The following PRSS12 variants were observed in gnomAD, a reference collection of about 807,000 sequenced individuals.
PRSS12 encodes the protein serine protease 12.
Under a neutral mutation model 104.4 loss-of-function variants are expected in PRSS12, and 85 were observed. The ratio of observed to expected loss-of-function variants is 0.81; its 90% CI spans 0.68 to 0.98. PRSS12 has a LOEUF of 0.98. Among genes scored for constraint, PRSS12 ranks in the 50% least tolerant of loss-of-function variants. The pLI is 0.00. For missense variants in PRSS12, 1,141 were observed against 1,139.2 expected, an observed-to-expected ratio of 1.00 and a Z score of -0.02; for synonymous variants, 454 against 425.2, an observed-to-expected ratio of 1.07 and a Z score of -0.83.
chr4:118,327,107 T>C lies in PRSS12; in HGVS notation c.971+4609A>G, dbSNP rs1578929043. 2.0e-5 allele frequency among the ~76,000 whole-genome samples: 3 copies of C among 152,334 alleles called. 1 individual carries two copies. The South Asian group carries it at 6.2e-4, about 32-fold the overall frequency. ...CTGTGGGTTGGACAAGCTTGGTTTATACAATGTTTTTTAAAATTTAATGAA... is the reference window on the plus strand; with the variant it reads ...CTGTGGGTTGGACAAGCTTGGTTTACACAATGTTTTTTAAAATTTAATGAA... On this transcript the variant is annotated intron_variant, in intron 4 of 12. Transcript: ENST00000296498.
At chr4:118,351,553 A>G (rs1724505336) in intron 1 of PRSS12, among the ~76,000 whole-genome samples, 1 of 152,176 alleles carries the variant, frequency 6.6e-6, no homozygotes, top group Non-Finnish European at 1.5e-5. Flanking sequence ...AAAACTGTGT[A>G]TAACTATATT....
At chr4:118,308,360 T>C in intron 8 of PRSS12, 76 bp downstream of exon 8, 1 of 1,576,290 alleles carries the variant, frequency 6.3e-7, no homozygotes, top group Non-Finnish European at 8.7e-7. Flanking sequence ...AAGTAAAAAG[T>C]AACTCATTAG....
At chr4:118,332,277 A>T (rs1723945601) in intron 3 of PRSS12, among the ~76,000 whole-genome samples, 1 of 152,230 alleles carries the variant, frequency 6.6e-6, no homozygotes, top group Admixed American at 6.5e-5. Context: ...TGTCTATAAC[A>T]TACTTGTTTT....
Position 118,352,771 on chromosome 4 carries a change from G to A in PRSS12, c.-51C>T. ...CATGCTCCCCAGCTTCTCGGGCTTGGAGCGGAGAAGAGGAGGGGGCGGGGG... is the reference window on the plus strand; with the variant it reads ...CATGCTCCCCAGCTTCTCGGGCTTGAAGCGGAGAAGAGGAGGGGGCGGGGG... On this transcript the variant is annotated 5_prime_UTR_variant, in exon 1 of 13. Coordinates refer to ENST00000296498, the MANE Select transcript of PRSS12 (RefSeq NM_003619.4). The A allele has an allele frequency of 6.2e-7, 1 of 1,605,584 alleles. No individual in the cohort carries two copies. The highest frequency in any genetic ancestry group is 8.5e-7 in the Non-Finnish European group (1 of 1,177,148).
At chr4:118,301,147 G>C (rs903714880) in intron 8 of PRSS12, among the ~76,000 whole-genome samples, 1 of 151,914 alleles carries the variant, frequency 6.6e-6, no homozygotes, top group African/African-American at 2.4e-5. Flanking sequence ...ATTAGTGTTA[G>C]TAAGAAATCT....
intron 9 of PRSS12, among the ~76,000 whole-genome samples, 153 bp downstream of exon 9, chr4:118,298,580 T>C (rs545770010): frequency 1.2e-4 from 18 of 152,310 alleles, no homozygotes; most frequent in African/African-American, 4.1e-4. Context: ...CTAGGCAAGT[T>C]TGCCAAGAAC....
chr4:118,320,150 G>A (rs1453767355), intron 4 of PRSS12, among the ~76,000 whole-genome samples: 4 of 151,980 alleles, frequency 2.6e-5, no homozygotes, highest in Admixed American at 2.6e-4. Context: ...TCCCTTTTAG[G>A]CTTTTAATTT....
chr4:118,351,922 C>T (rs1724515715), intron 1 of PRSS12, among the ~76,000 whole-genome samples: 1 of 151,728 alleles, frequency 6.6e-6, no homozygotes, highest in African/African-American at 2.4e-5. Flanking sequence ...AATACACGAG[C>T]GCACACACAC....
intron 11 of PRSS12, among the ~76,000 whole-genome samples, chr4:118,284,476 G>A (rs1742969879): frequency 6.6e-6 from 1 of 152,214 alleles, no homozygotes; most frequent in East Asian, 1.9e-4. Flanking sequence ...TTACTCATCT[G>A]CAATGAGTGT....
At position 118,352,764 on chromosome 4, in the gene PRSS12, G is replaced by C. The variant is rs750632461; in HGVS notation, c.-44C>G. 42 of 1,608,800 alleles carry C rather than the reference G, an allele frequency of 2.6e-5. No individual in the cohort carries two copies. Among genetic ancestry groups the C allele is most frequent in the Non-Finnish European group, 3.5e-5 (41 of 1,178,168 alleles). ...TCTGGTCCATGCTCCCCAGCTTCTC[G>C]GGCTTGGAGCGGAGAAGAGGAGGGG... On this transcript the variant is annotated 5_prime_UTR_variant, in exon 1 of 13. Transcript: ENST00000296498.
At chr4:118,302,105 T>C (rs1286579667) in intron 8 of PRSS12, among the ~76,000 whole-genome samples, 3 of 151,366 alleles carry the variant, frequency 2.0e-5, no homozygotes, top group African/African-American at 7.4e-5. Context: ...ATTATTAAGA[T>C]ATTTGTTTAA....
intron 1 of PRSS12, among the ~76,000 whole-genome samples, chr4:118,339,473 T>C (rs1307104830): frequency 2.0e-5 from 3 of 152,196 alleles, no homozygotes; most frequent in Non-Finnish European, 4.4e-5. Flanking sequence ...CACATCATCA[T>C]CCTTTAAAAA....
intron 11 of PRSS12, 142 bp downstream of exon 11, chr4:118,294,797 C>T (rs1472251071): frequency 6.7e-6 from 8 of 1,185,836 alleles, no homozygotes; most frequent in Non-Finnish European, 9.9e-6. Context: ...TTTTGTCACT[C>T]CCTCATTCCA....
intron 2 of PRSS12, among the ~76,000 whole-genome samples, chr4:118,336,166 C>T (rs183137394): frequency 1.1e-3 from 164 of 152,252 alleles, no homozygotes; most frequent in African/African-American, 3.5e-3. Flanking sequence ...AATAATATCA[C>T]GGGAGGCAAT....
intron 11 of PRSS12, among the ~76,000 whole-genome samples, chr4:118,292,649 T>A (rs1743155389): frequency 6.6e-6 from 1 of 152,206 alleles, no homozygotes. Context: ...TAATATGATC[T>A]TTATTGTTCA....
In PRSS12 at chr4:118,282,199, G is replaced by T. The variant is rs1410002972; in HGVS notation, c.2365C>A (p.Leu789Ile). Residue 789 changes from leucine to isoleucine, a missense_variant, in exon 13 of 13, where the codon CTT becomes ATT. Transcript: ENST00000296498. ...CGTTCTTCACAAAACCTTTTAGGAA[G>T]TAAGGGAATGGCTGCTTGTTGTAGT... The part of the protein sequence containing the change: ...RTLQQAAIPL[L>I]PKRFCEERYK... The T allele has an allele frequency of 6.2e-7, 1 of 1,614,192 alleles. No individual in the cohort carries two copies. Among genetic ancestry groups the T allele is most frequent in the Non-Finnish European group, 8.5e-7 (1 of 1,180,042 alleles).
chr4:118,351,424 C>T (rs1057000939), intron 1 of PRSS12, among the ~76,000 whole-genome samples: 25 of 151,908 alleles, frequency 1.6e-4, no homozygotes, highest in Non-Finnish European at 3.7e-4. Flanking sequence ...TATTCATTTA[C>T]ATTAAATTTA....
chr4:118,331,152 G>C (rs1723906988), intron 4 of PRSS12, among the ~76,000 whole-genome samples: 3 of 152,132 alleles, frequency 2.0e-5, no homozygotes, highest in Admixed American at 2.0e-4. Flanking sequence ...GGATTAGAAG[G>C]CCTAAAATTA....
At position 118,318,441 on chromosome 4, in the gene PRSS12, A is replaced by G. The variant is rs1225041783; in HGVS notation, c.1087T>C (p.Ser363Pro). Residue 363 changes from serine (S) to proline (P), a missense_variant, in exon 5 of 13, where the codon TCC becomes CCC. Transcript: ENST00000296498. ...TGGCCACAGTTATGCTCTCCCCAGG[A>G]GCTCTTTGGACACTGCTCAATTGAA... The part of the protein sequence containing the change: ...ELSIEQCPKS[S>P]WGEHNCGHKE... 6.2e-7 allele frequency: 1 copy of G among 1,613,994 alleles called. No individual in the cohort carries two copies. Among genetic ancestry groups the G allele is most frequent in the Non-Finnish European group, 8.5e-7 (1 of 1,180,012 alleles).
Sources: allele counts gnomAD v4.1 joint callset (sites outside exome capture counted in the v4.1 genomes callset), GRCh38; gene constraint gnomAD v4.1.1; transcripts MANE v1.5; gene names NCBI Gene and HGNC (gene_info 2026-07-23, HGNC 2026-07-21).